ZPBP: variants seen among roughly 807,000 people sequenced by gnomAD.
ZPBP encodes the protein zona pellucida-binding protein 1.
In ZPBP, 26 loss-of-function variants were observed where a neutral mutation model predicts 44.8. The observed-to-expected ratio is 0.58, with a 90% confidence interval of 0.43 to 0.81. ZPBP has a LOEUF of 0.81. Among genes scored for constraint, ZPBP ranks in the 30% least tolerant of loss-of-function variants. ZPBP has a pLI of 0.00. For missense variants in ZPBP, 409 were observed against 434.0 expected (o/e 0.94, Z 0.51); for synonymous variants, 174 against 153.2 (o/e 1.14, Z -1.00).
chr7:50,027,957 G>C (rs1426014261), intron 5 of ZPBP, among the ~76,000 whole-genome samples: 2 of 151,756 alleles, frequency 1.3e-5, no homozygotes, highest in African/African-American at 4.8e-5. Flanking sequence ...GAACCCAAAG[G>C]CCTCAGTGAT....
chr7:50,081,884 A>C lies in ZPBP; in HGVS notation c.224T>G (p.Met75Arg). Residue 75 changes from methionine (M) to arginine (R), a missense_variant, in exon 3 of 8, where the codon ATG (methionine) becomes AGG (arginine). Met to Arg is a moderately conservative substitution (Grantham distance 91). Transcript: ENST00000046087. ...CACGTGTGGACTCTTTTGATGGAGC[A>C]TGACATACGCTTTCACTGAAAATAC... ...STSFPVKAYV[M>R]LHQKSPHVLC... 1.2e-6 allele frequency: 2 copies of C among 1,611,078 alleles called. No homozygotes were observed. Among genetic ancestry groups the C allele is most frequent in the Non-Finnish European group, 1.7e-6 (2 of 1,177,980 alleles).
chr7:49,850,056 G>A (rs1185220203), downstream of ZPBP, among the ~76,000 whole-genome samples: 1 of 152,122 alleles, frequency 6.6e-6, no homozygotes, highest in Non-Finnish European at 1.5e-5. Context: ...CACAGGTGCA[G>A]GAAGACTAAG....
intron 6 of ZPBP, among the ~76,000 whole-genome samples, chr7:49,984,361 G>C (rs1797154747): frequency 6.6e-6 from 1 of 152,084 alleles, no homozygotes; most frequent in East Asian, 1.9e-4. Context: ...TAATAACTCT[G>C]TCTCACACAT....
intron 1 of ZPBP, chr7:49,912,002 C>A: frequency 6.3e-7 from 1 of 1,590,168 alleles, no homozygotes; most frequent in Non-Finnish European, 8.6e-7. Flanking sequence ...TTTATGCACA[C>A]ATATAGTATA....
In ZPBP at chr7:49,877,495, T is replaced by C. The variant is rs865952869; in HGVS notation, n.509+23623A>G. ...AAAAAAAAAAAAATATATATATATATATATATATATATATATATATATAGT... is the reference window on the plus strand; with the variant it reads ...AAAAAAAAAAAAATATATATATATACATATATATATATATATATATATAGT... On this transcript the variant is annotated intron_variant and non_coding_transcript_variant, in intron 2 of 2. Transcript: ENST00000465922. 1.1e-3 allele frequency among the ~76,000 whole-genome samples: 80 copies of C among 71,860 alleles called. 12 individuals carry two copies. Among genetic ancestry groups the C allele is most frequent in the East Asian group, 4.6e-3 (9 of 1,944 alleles). 47.1% of individuals were successfully genotyped at this position (71,860 alleles called of 152,430 possible).
chr7:49,961,781 A>G (rs548857162), intron 7 of ZPBP, among the ~76,000 whole-genome samples: 2 of 152,238 alleles, frequency 1.3e-5, no homozygotes, highest in African/African-American at 4.8e-5. Context: ...GAGAGAGAGA[A>G]GACAATGAAA....
intron 2 of ZPBP, among the ~76,000 whole-genome samples, chr7:49,881,012 T>C (rs1190227246): frequency 6.6e-6 from 1 of 152,220 alleles, no homozygotes; most frequent in Admixed American, 6.5e-5. Context: ...AAGTGATTTA[T>C]TCAAATGTTT....
intron 6 of ZPBP, among the ~76,000 whole-genome samples, chr7:49,997,826 A>T (rs1200576124): frequency 6.6e-6 from 1 of 152,102 alleles, no homozygotes; most frequent in Non-Finnish European, 1.5e-5. Context: ...GGGGCTCAAT[A>T]TTTTCAATTT....
At chr7:49,947,811 C>G (rs954049625) in intron 7 of ZPBP, among the ~76,000 whole-genome samples, 18 of 152,208 alleles carry the variant, frequency 1.2e-4, no homozygotes, top group Non-Finnish European at 2.2e-4. Context: ...TAAGTTTCTT[C>G]CAGCCCTAAC....
intron 4 of ZPBP, among the ~76,000 whole-genome samples, chr7:50,041,248 G>C (rs532736001): frequency 2.2e-4 from 34 of 152,274 alleles, no homozygotes; most frequent in African/African-American, 7.9e-4. Flanking sequence ...AGGCTTAACC[G>C]CTCCTGCCTG....
At chr7:49,943,261 T>G in intron 7 of ZPBP, 1 of 298,450 alleles carries the variant, frequency 3.4e-6, no homozygotes, top group South Asian at 3.3e-5. Context: ...ACAACATCAA[T>G]GCAGTCTTCA....
At chr7:49,854,614 C>G (rs912368019) in intron 2 of ZPBP, among the ~76,000 whole-genome samples, 2 of 152,190 alleles carry the variant, frequency 1.3e-5, no homozygotes, top group African/African-American at 4.8e-5. Context: ...TGGATATTAG[C>G]CCTTTGTCAG....
At chr7:49,881,773 T>C (rs962289340) in intron 2 of ZPBP, among the ~76,000 whole-genome samples, 1 of 152,144 alleles carries the variant, frequency 6.6e-6, no homozygotes, top group African/African-American at 2.4e-5. Flanking sequence ...TCTTTTAAAA[T>C]ATAGATTGAA....
At chr7:49,965,950 A>G (rs1014734210) in intron 7 of ZPBP, among the ~76,000 whole-genome samples, 3 of 152,226 alleles carry the variant, frequency 2.0e-5, no homozygotes, top group East Asian at 1.9e-4. Context: ...GATAACAATA[A>G]TGAAAAGAAA....
chr7:49,948,833 A>C (rs918909662), intron 7 of ZPBP, among the ~76,000 whole-genome samples: 1 of 152,186 alleles, frequency 6.6e-6, no homozygotes, highest in African/African-American at 2.4e-5. Context: ...ATTAAAATAG[A>C]ATTGCCATAT....
intron 2 of ZPBP, among the ~76,000 whole-genome samples, chr7:49,851,870 T>G (rs1360476832): frequency 6.8e-6 from 1 of 147,424 alleles, no homozygotes; most frequent in Non-Finnish European, 1.5e-5. Flanking sequence ...AAAAAAAAAG[T>G]CCACTACAAA....
chr7:49,864,512 G>T (rs1050839980), intron 2 of ZPBP, among the ~76,000 whole-genome samples: 2 of 152,156 alleles, frequency 1.3e-5, no homozygotes, highest in African/African-American at 4.8e-5. Flanking sequence ...CTCTTTCTGG[G>T]CTCTTTCTCC....
chr7:50,037,359 T>C (rs1358693650), intron 4 of ZPBP, among the ~76,000 whole-genome samples: 7 of 152,220 alleles, frequency 4.6e-5, no homozygotes, highest in Admixed American at 4.6e-4. Flanking sequence ...AACAGTGTAA[T>C]AGTCCGTTCT....
intron 7 of ZPBP, among the ~76,000 whole-genome samples, chr7:49,964,546 T>C (rs901320768): frequency 2.0e-5 from 3 of 152,020 alleles, no homozygotes; most frequent in African/African-American, 4.8e-5. Flanking sequence ...GACATCATCA[T>C]TGAAAACTGT....
Sources: allele counts gnomAD v4.1 joint callset (sites outside exome capture counted in the v4.1 genomes callset), GRCh38; gene constraint gnomAD v4.1.1; transcripts MANE v1.5; gene names NCBI Gene and HGNC (gene_info 2026-07-23, HGNC 2026-07-21).